GNPNAT1: variants seen among roughly 807,000 people sequenced by gnomAD.
GNPNAT1 encodes glucosamine-phosphate N-acetyltransferase 1.
GNPNAT1 carries 11 observed loss-of-function variants against 19.8 expected under a neutral mutation model. The ratio of observed to expected loss-of-function variants is 0.56; its 90% confidence interval spans 0.35 to 0.92. GNPNAT1 has a LOEUF of 0.92. Among genes scored for constraint, GNPNAT1 ranks in the 40% least tolerant of loss-of-function variants. GNPNAT1 has a pLI of 0.01. For synonymous variants in GNPNAT1, 71 were observed against 72.3 expected (o/e 0.98, Z 0.09); for missense variants, 157 against 211.0 (o/e 0.74, Z 1.59).
intron 1 of GNPNAT1, among the ~76,000 whole-genome samples, chr14:52,786,076 A>C (rs1388208350): frequency 8.1e-6 from 1 of 123,986 alleles, no homozygotes; most frequent in Non-Finnish European, 1.7e-5. Flanking sequence ...TTTTTTTTTC[A>C]ATGAACCATG....
At chr14:52,779,170 T>C (rs956648246) in intron 5 of GNPNAT1, among the ~76,000 whole-genome samples, 4 of 152,176 alleles carry the variant, frequency 2.6e-5, no homozygotes, top group Admixed American at 2.0e-4. Flanking sequence ...GAGTACATAA[T>C]AGCTTTGCTC....
At chr14:52,780,586 A>T in intron 5 of GNPNAT1, 93 bp downstream of exon 5, 1 of 772,260 alleles carries the variant, frequency 1.3e-6, no homozygotes, top group Non-Finnish European at 2.3e-6. Context: ...GTTCAGAATT[A>T]ATGAAGCCAA....
chr14:52,779,724 TAAA>T (rs35906707), intron 5 of GNPNAT1, among the ~76,000 whole-genome samples: 13 of 38,208 alleles, frequency 3.4e-4, no homozygotes, highest in Admixed American at 5.0e-4. Flanking sequence ...TCCCATCTCT[TAAA>T]AAAAAAAAAA....
chr14:52,789,811 A>T (rs1032618755), intron 1 of GNPNAT1, among the ~76,000 whole-genome samples: 3 of 152,124 alleles, frequency 2.0e-5, no homozygotes, highest in Non-Finnish European at 2.9e-5. Context: ...AAGTTTTTAG[A>T]TGAACTTTAA....
chr14:52,785,283 A>G (rs1014839668), intron 1 of GNPNAT1, among the ~76,000 whole-genome samples: 1 of 152,152 alleles, frequency 6.6e-6, no homozygotes, highest in African/African-American at 2.4e-5. Flanking sequence ...CTAAATGAAT[A>G]GCTGACTTTT....
At chr14:52,785,473 A>T (rs1188326207) in intron 1 of GNPNAT1, among the ~76,000 whole-genome samples, 1 of 151,552 alleles carries the variant, frequency 6.6e-6, no homozygotes, top group Non-Finnish European at 1.5e-5. Context: ...CTGTAATACC[A>T]ACACTTTGGG....
chr14:52,781,910 T>A lies in GNPNAT1; in HGVS notation c.219A>T (p.Lys73Asn). The change falls in exon 4 of 6, where the codon AAA becomes AAT. Residue 73 changes from lysine to asparagine, a missense_variant and splice_region_variant. By Grantham distance (94) the Lys-to-Asn change is moderately conservative (BLOSUM62 0). Coordinates refer to ENST00000216410, the MANE Select transcript of GNPNAT1 (RefSeq NM_198066.4). The stretch of plus-strand genomic sequence containing the variant: ...CAGATTTCTTCATATGCTCAAAAGA[T>A]TCTGTGGAAATTGGATAACAAAGTG... ...TGVVSPEQFM[K>N]SFEHMKKSGD... 1.2e-6 allele frequency: 2 copies of A among 1,602,606 alleles called. No individual in the cohort carries two copies. The highest frequency in any genetic ancestry group is 2.3e-5 in the South Asian group (2 of 88,438).
At chr14:52,782,400 A>G (rs1030204772) in intron 3 of GNPNAT1, among the ~76,000 whole-genome samples, 1 of 152,082 alleles carries the variant, frequency 6.6e-6, no homozygotes, top group African/African-American at 2.4e-5. Flanking sequence ...TGTGATGGAA[A>G]GTGTTTTGTG....
Position 52,783,857 on chromosome 14 carries a change from A to G in GNPNAT1, c.155-372T>C, listed in dbSNP as rs190850990. Among the ~76,000 whole-genome samples, 326 of 152,290 alleles carry G rather than the reference A, an allele frequency of 2.1e-3. No individual in the cohort carries two copies. The Middle Eastern group carries it at 0.031, about 14-fold the overall frequency. On this transcript the variant is annotated intron_variant, in intron 2 of 5. Transcript: ENST00000216410. Reference sequence around the variant, plus strand: ...TTAAAGGTGCAACATGGCTAAATACAATATTCGTAAATTAAAGTATAAGTA... The same window carrying G: ...TTAAAGGTGCAACATGGCTAAATACGATATTCGTAAATTAAAGTATAAGTA...
At chr14:52,781,610 A>AAAT in intron 4 of GNPNAT1, 174 bp downstream of exon 4, 1 of 526,362 alleles carries the variant, frequency 1.9e-6, no homozygotes, top group Non-Finnish European at 3.2e-6. Context: ...GAACAATTTT[A>AAAT]GCATACAATT....
At chr14:52,784,745 A>T in intron 1 of GNPNAT1, 81 bp from the exon 2 acceptor site, 1 of 589,640 alleles carries the variant, frequency 1.7e-6, no homozygotes, top group Non-Finnish European at 2.8e-6. Flanking sequence ...ATATAAATTA[A>T]TGCAATTAGA....
At chr14:52,785,101 TA>T (rs1882982843) in intron 1 of GNPNAT1, among the ~76,000 whole-genome samples, 1 of 151,876 alleles carries the variant, frequency 6.6e-6, no homozygotes, top group Non-Finnish European at 1.5e-5. Flanking sequence ...AATTTTTTTG[TA>T]TTTTTAATAG....
chr14:52,790,260 A>C (rs556472622), intron 1 of GNPNAT1, among the ~76,000 whole-genome samples: 5 of 152,340 alleles, frequency 3.3e-5, no homozygotes, highest in African/African-American at 9.6e-5. Context: ...AAATTTTAAA[A>C]AATACAATCT....
At chr14:52,787,113 T>C (rs1883040696) in intron 1 of GNPNAT1, among the ~76,000 whole-genome samples, 1 of 151,774 alleles carries the variant, frequency 6.6e-6, no homozygotes, top group Non-Finnish European at 1.5e-5. Context: ...AATTTTGGAG[T>C]GTTTTGGATT....
At chr14:52,781,020 T>C (rs1371617626) in intron 4 of GNPNAT1, among the ~76,000 whole-genome samples, 1 of 152,162 alleles carries the variant, frequency 6.6e-6, no homozygotes, top group Non-Finnish European at 1.5e-5. Flanking sequence ...CAAAAGTTTG[T>C]TTCCTACTAG....
At chr14:52,786,854 T>C (rs954209018) in intron 1 of GNPNAT1, among the ~76,000 whole-genome samples, 3 of 133,746 alleles carry the variant, frequency 2.2e-5, no homozygotes, top group Admixed American at 8.2e-5. Flanking sequence ...TTTCAGGTTT[T>C]GGATTTTTTT....
In GNPNAT1 at chr14:52,791,092, CAACT is replaced by C. The variant is rs1461760444; in HGVS notation, c.-15+332_-15+335del. Among the ~76,000 whole-genome samples, 33 of 152,258 alleles carry C rather than the reference CAACT, an allele frequency of 2.2e-4. No homozygotes were observed. In the East Asian group the frequency reaches 6.0e-3, roughly 28 times the overall value. ...AACCGATGGCTGCAGAGAGCGCGAC[CAACT>C]GTCTCATTTCCCACGCCAAAGTCTG... On this transcript the variant is annotated intron_variant, in intron 1 of 5. Transcript: ENST00000216410. The surrounding 1 kb of genome is among the most constrained non-coding windows in gnomAD (Gnocchi z 4.1).
intron 3 of GNPNAT1, 95 bp downstream of exon 3, chr14:52,783,328 A>G: frequency 9.5e-6 from 7 of 740,194 alleles, no homozygotes; most frequent in Admixed American, 2.6e-5. Context: ...ATTTCCAGCT[A>G]TTTGAACAAA....
rs762073059 is a variant in GNPNAT1 at position 52,778,273 on chromosome 14, GTAGCAT to G, written c.*32_*37del. 3.3e-5 allele frequency: 49 copies of G among 1,502,780 alleles called. No individual in the cohort carries two copies. Among genetic ancestry groups the G allele is most frequent in the Non-Finnish European group, 3.9e-5 (43 of 1,112,106 alleles). 93.1% of individuals were successfully genotyped at this position (1,502,780 alleles called of 1,614,324 possible). A position where few individuals can be genotyped will look rare whatever the true frequency, so the allele number is the denominator to read the frequency against. ...TCAACTCTAGGAAGAGTGTAGCCTT[GTAGCAT>G]TAGCCCCTTTGACAATTTTCTTACA... On this transcript the variant is annotated 3_prime_UTR_variant, in exon 6 of 6. Transcript: ENST00000216410.
Sources: gnomAD v4.1 joint callset for allele counts (sites outside exome capture counted in the v4.1 genomes callset) on GRCh38, gnomAD v4.1.1 for gene constraint, Gnocchi (gnomAD v3.1) non-coding constraint, MANE v1.5 for transcripts, NCBI Gene and HGNC (gene_info 2026-07-23, HGNC 2026-07-21) for gene names.